The following AGBL4 variants were observed in gnomAD, a reference collection of about 807,000 sequenced individuals.
The protein encoded by AGBL4 is AGBL carboxypeptidase 4.
AGBL4 carries 58 observed loss-of-function variants against 66.4 expected under a neutral mutation model. The observed-to-expected ratio is 0.87, with a 90% CI of 0.71 to 1.09. AGBL4 has a LOEUF of 1.09. Among genes scored for constraint, AGBL4 ranks in the 50% least tolerant of loss-of-function variants. The pLI, the probability that AGBL4 is intolerant of heterozygous loss-of-function variation, is 0.00. For synonymous variants in AGBL4, 234 were observed against 222.9 expected (o/e 1.05, Z -0.44); for missense variants, 579 against 631.0 (o/e 0.92, Z 0.88).
intron 6 of AGBL4, among the ~76,000 whole-genome samples, chr1:48,732,397 A>G (rs757042969): frequency 2.0e-5 from 3 of 152,248 alleles, no homozygotes; most frequent in African/African-American, 4.8e-5. Context: ...TTTATTGAGC[A>G]CTTACTATAG....
intron 1 of AGBL4, among the ~76,000 whole-genome samples, chr1:49,937,829 AC>A (rs1237811954): frequency 6.6e-6 from 1 of 152,214 alleles, no homozygotes; most frequent in African/African-American, 2.4e-5. Context: ...TGTCTGGGAC[AC>A]ATTCAAAGCA....
intron 3 of AGBL4, among the ~76,000 whole-genome samples, chr1:49,590,520 C>T (rs937319471): frequency 6.6e-6 from 1 of 151,812 alleles, no homozygotes; most frequent in Non-Finnish European, 1.5e-5. Flanking sequence ...AAAGTTGTCT[C>T]GAGGTAGAAA....
chr1:48,639,122 A>T (rs908326365), intron 8 of AGBL4, among the ~76,000 whole-genome samples: 40 of 152,208 alleles, frequency 2.6e-4, no homozygotes, highest in African/African-American at 7.5e-4. Flanking sequence ...GTCAACTCCT[A>T]GATCCAGCCT....
intron 4 of AGBL4, among the ~76,000 whole-genome samples, chr1:49,136,781 T>C (rs939753704): frequency 1.5e-4 from 23 of 152,270 alleles, no homozygotes; most frequent in African/African-American, 4.6e-4. Context: ...TCTATACATA[T>C]GGCTGGCAAG....
rs1266385562 is a variant in AGBL4, at chr1:50,023,835, G to A, written c.-39C>T. 1 of 1,545,112 alleles carries A rather than the reference G, an allele frequency of 6.5e-7. No homozygotes were observed. The highest frequency in any genetic ancestry group is 1.2e-5 in the South Asian group (1 of 83,378). On this transcript the variant is annotated 5_prime_UTR_variant, in exon 1 of 14. Transcript: ENST00000371839. ...CAGTCTCCGAGCTCACGCGAAGACC[G>A]CGGGGCAGTAGGGAGCGGGTGGTGG...
intron 4 of AGBL4, among the ~76,000 whole-genome samples, chr1:49,066,783 T>A (rs1455812434): frequency 6.6e-6 from 1 of 152,090 alleles, no homozygotes; most frequent in Non-Finnish European, 1.5e-5. Context: ...TGATCAAAAG[T>A]GCCTTTGAAT....
chr1:49,671,168 C>T (rs990567632), intron 3 of AGBL4, among the ~76,000 whole-genome samples: 4 of 151,910 alleles, frequency 2.6e-5, no homozygotes, highest in African/African-American at 9.7e-5. Flanking sequence ...GAATAGAGAG[C>T]CCGGAAATAA....
At chr1:49,215,967 A>G (rs976482024) in intron 4 of AGBL4, among the ~76,000 whole-genome samples, 2 of 152,140 alleles carry the variant, frequency 1.3e-5, no homozygotes, top group African/African-American at 4.8e-5. Context: ...CCACATGGCT[A>G]GTAGATACAG....
At chr1:49,337,756 T>A (rs1013010767) in intron 3 of AGBL4, among the ~76,000 whole-genome samples, 1 of 152,204 alleles carries the variant, frequency 6.6e-6, no homozygotes, top group Non-Finnish European at 1.5e-5. Context: ...CCTATAAATG[T>A]ATGGATTTCA....
At chr1:49,154,169 C>T (rs1646387866) in intron 4 of AGBL4, among the ~76,000 whole-genome samples, 1 of 152,136 alleles carries the variant, frequency 6.6e-6, no homozygotes, top group Middle Eastern at 3.4e-3. Flanking sequence ...TTAACGTTGT[C>T]TATGGGTGAA....
At position 49,820,151 on chromosome 1, in the gene AGBL4, G is replaced by A. The variant is rs143287436; in HGVS notation, c.157+31245C>T. ...AAATCAGAATGTTTTATCTCCTAGCGTAAGCATCACATACACCTCTTGGAG... is the reference window on the plus strand; with the variant it reads ...AAATCAGAATGTTTTATCTCCTAGCATAAGCATCACATACACCTCTTGGAG... On this transcript the variant is annotated intron_variant, in intron 2 of 13. Coordinates refer to ENST00000371839, the MANE Select transcript of AGBL4 (RefSeq NM_032785.4). Among the ~76,000 whole-genome samples, 348 of 152,252 alleles carry A rather than the reference G, an allele frequency of 2.3e-3. 4 individuals are homozygous for A. Among genetic ancestry groups the A allele is most frequent in the African/African-American group, 8.0e-3 (334 of 41,550 alleles).
intron 8 of AGBL4, among the ~76,000 whole-genome samples, chr1:48,642,219 A>G (rs1200982164): frequency 6.6e-6 from 1 of 152,182 alleles, no homozygotes; most frequent in East Asian, 1.9e-4. Context: ...ATTAGCACTT[A>G]GTTTTTCTTC....
intron 3 of AGBL4, among the ~76,000 whole-genome samples, chr1:49,555,568 C>T (rs1454143169): frequency 6.7e-6 from 1 of 149,394 alleles, no homozygotes; most frequent in African/African-American, 2.5e-5. Flanking sequence ...TTTGTAAATG[C>T]ACCAATCAGT....
intron 4 of AGBL4, among the ~76,000 whole-genome samples, chr1:49,204,009 G>C (rs1449552095): frequency 1.3e-5 from 2 of 152,112 alleles, no homozygotes; most frequent in African/African-American, 4.8e-5. Flanking sequence ...AAAGAAAATG[G>C]ATAAAGCATC....
chr1:48,676,145 A>G (rs1448553650), intron 6 of AGBL4, among the ~76,000 whole-genome samples: 2 of 152,250 alleles, frequency 1.3e-5, no homozygotes, highest in Non-Finnish European at 2.9e-5. Flanking sequence ...CCATGGTTTC[A>G]TCAGAAACTA....
chr1:48,547,774 G>T (rs899695442), intron 11 of AGBL4, among the ~76,000 whole-genome samples: 9 of 152,144 alleles, frequency 5.9e-5, no homozygotes, highest in Non-Finnish European at 8.8e-5. Context: ...AGGATCCTCT[G>T]TTCTCCTGTC....
At chr1:48,980,988 C>T (rs1297630148) in intron 5 of AGBL4, among the ~76,000 whole-genome samples, 2 of 152,068 alleles carry the variant, frequency 1.3e-5, no homozygotes, top group East Asian at 3.9e-4. Context: ...GAGATTAAAT[C>T]TGACCTCTGG....
At chr1:49,323,042 C>T (rs1645158497) in intron 3 of AGBL4, among the ~76,000 whole-genome samples, 1 of 152,150 alleles carries the variant, frequency 6.6e-6, no homozygotes. Flanking sequence ...AAATTAATTA[C>T]AGTTTGTTGC....
intron 1 of AGBL4, among the ~76,000 whole-genome samples, chr1:49,986,701 C>T (rs975999766): frequency 6.6e-6 from 1 of 152,074 alleles, no homozygotes; most frequent in African/African-American, 2.4e-5. Flanking sequence ...ATTTCTCACA[C>T]ATTTCTATTT....
Sources: gnomAD v4.1 joint callset for allele counts (sites outside exome capture counted in the v4.1 genomes callset) on GRCh38, gnomAD v4.1.1 for gene constraint, MANE v1.5 for transcripts, NCBI Gene and HGNC (gene_info 2026-07-23, HGNC 2026-07-21) for gene names.